Variants in PAIP2B observed in about 807,000 individuals in gnomAD.
PAIP2B encodes polyadenylate-binding protein-interacting protein 2B.
A neutral mutation model predicts 17.0 loss-of-function variants in PAIP2B; 13 were observed. The ratio of observed to expected loss-of-function variants is 0.76; its 90% CI spans 0.50 to 1.22. The LOEUF (loss-of-function observed/expected upper bound fraction) is 1.22. PAIP2B is among the 50% of genes most tolerant of loss of function. The pLI is 0.00. For missense variants in PAIP2B, 117 were observed against 144.5 expected (o/e 0.81, Z 0.98); for synonymous variants, 43 against 48.7 (o/e 0.88, Z 0.48).
In PAIP2B at chr2:71,186,820, G is replaced by A. The variant is rs896437880; in HGVS notation, c.*1659C>T. On this transcript the variant is annotated 3_prime_UTR_variant, in exon 4 of 4. Transcript: ENST00000244221. ...TATGACATGTGACCTAACAAGGAAG[G>A]CAATTTTTTCAAATGATATAATCCT... The A allele has an allele frequency of 7.2e-5, 11 of 152,184 alleles. No individual in the cohort carries two copies. The highest frequency in any genetic ancestry group is 2.7e-4 in the African/African-American group (11 of 41,444). 9.4% of individuals were successfully genotyped at this position (152,184 alleles called of 1,614,324 possible). A position where few individuals can be genotyped will look rare whatever the true frequency, so the allele number is the denominator to read the frequency against.
chr2:71,216,515 A>G (rs4852772), intron 1 of PAIP2B, among the ~76,000 whole-genome samples: 125,674 of 152,222 alleles, frequency 0.83, 52,062 homozygotes, highest in African/African-American at 0.87. Context: ...CATAACCTGT[A>G]TGTTTCTCAT....
At chr2:71,208,045 T>C (rs191719587) in intron 1 of PAIP2B, among the ~76,000 whole-genome samples, 1 of 152,164 alleles carries the variant, frequency 6.6e-6, no homozygotes, top group Admixed American at 6.5e-5. Flanking sequence ...GTCATAGGAA[T>C]AGAAGATACT....
chr2:71,222,006 C>T (rs1675594984), intron 1 of PAIP2B, among the ~76,000 whole-genome samples: 1 of 152,146 alleles, frequency 6.6e-6, no homozygotes, highest in Admixed American at 6.6e-5. Flanking sequence ...CACCTGAGCC[C>T]ACAGCAGCAA....
intron 3 of PAIP2B, 54 bp downstream of exon 3, chr2:71,189,791 C>G: frequency 6.9e-7 from 1 of 1,455,098 alleles, no homozygotes; most frequent in South Asian, 1.4e-5. Flanking sequence ...TCTGTCATTC[C>G]AAATCCTATA....
chr2:71,210,210 TA>T (rs1309660735), intron 1 of PAIP2B, among the ~76,000 whole-genome samples: 1 of 152,070 alleles, frequency 6.6e-6, no homozygotes, highest in Non-Finnish European at 1.5e-5. Context: ...ACTAAGTAAA[TA>T]AACCCATCAG....
chr2:71,196,300 A>G (rs7577218), intron 2 of PAIP2B, among the ~76,000 whole-genome samples: 9,937 of 152,206 alleles, frequency 0.065, 354 homozygotes, highest in African/African-American at 0.088. Context: ...TATGTTGTCT[A>G]ATTTCCATGT....
intron 1 of PAIP2B, among the ~76,000 whole-genome samples, chr2:71,204,080 A>G (rs1675060900): frequency 6.6e-6 from 1 of 152,118 alleles, no homozygotes; most frequent in South Asian, 2.1e-4. Context: ...GTTGTTTGAT[A>G]TGCATAATTT....
chr2:71,193,664 T>C (rs1674743011), intron 2 of PAIP2B, among the ~76,000 whole-genome samples: 1 of 152,092 alleles, frequency 6.6e-6, no homozygotes, highest in Admixed American at 6.5e-5. Context: ...CCATCCTGGC[T>C]AACACGGTGA....
chr2:71,189,302 C>T (rs187544458), intron 3 of PAIP2B, among the ~76,000 whole-genome samples: 8 of 152,114 alleles, frequency 5.3e-5, no homozygotes, highest in African/African-American at 1.4e-4. Context: ...CGTGAGCCAC[C>T]GTGCCCAGCC....
At chr2:71,195,979 T>C (rs943200773) in intron 2 of PAIP2B, among the ~76,000 whole-genome samples, 1 of 152,216 alleles carries the variant, frequency 6.6e-6, no homozygotes, top group African/African-American at 2.4e-5. Flanking sequence ...CTGGATTCGC[T>C]GATCTCTTAA....
intron 2 of PAIP2B, among the ~76,000 whole-genome samples, chr2:71,201,372 T>C (rs1674980845): frequency 6.6e-6 from 1 of 151,302 alleles, no homozygotes; most frequent in Admixed American, 6.7e-5. Context: ...TTACCTTCAG[T>C]GAGAGTTCTT....
chr2:71,201,016 TGTGTG>T (rs1195659992), intron 2 of PAIP2B, among the ~76,000 whole-genome samples: 1 of 13,444 alleles, frequency 7.4e-5, no homozygotes, highest in Non-Finnish European at 1.8e-4. Context: ...TGGGTGTGTG[TGTGTG>T]TGTGTGTGTG....
Position 71,187,996 on chromosome 2 carries a change from T to A in PAIP2B, c.*483A>T, listed in dbSNP as rs1674584415. 5 of 157,172 alleles carry A rather than the reference T, an allele frequency of 3.2e-5. No individual in the cohort carries two copies. Among genetic ancestry groups the A allele is most frequent in the African/African-American group, 1.2e-4 (5 of 41,582 alleles). The allele number at this position is 157,172 out of a possible 1,614,324, so 9.7% of individuals were successfully genotyped here. On this transcript the variant is annotated 3_prime_UTR_variant, in exon 4 of 4. Transcript: ENST00000244221. ...CAGGAGACCCCGGGGGTGGGGCAGC[T>A]GAGCCTCAAATTCCAGTTTGCACCA...
chr2:71,204,860 T>C lies in PAIP2B; in HGVS notation c.-11-2260A>G, dbSNP rs557350224. On this transcript the variant is annotated intron_variant, in intron 1 of 3. Coordinates refer to ENST00000244221, the MANE Select transcript of PAIP2B (RefSeq NM_020459.1). ...CTGAACCTTGCTGGGTAGCAAGATA[T>C]ACTGTACTATTATTTCCAAAGATTT... is the stretch of plus-strand genomic sequence containing the variant. Among the ~76,000 whole-genome samples, 14 of 152,318 alleles carry C rather than the reference T, an allele frequency of 9.2e-5. No individual in the cohort carries two copies. The South Asian group carries it at 1.0e-3, about 11-fold the overall frequency.
At chr2:71,191,402 T>C (rs964292750) in intron 2 of PAIP2B, among the ~76,000 whole-genome samples, 2 of 152,188 alleles carry the variant, frequency 1.3e-5, no homozygotes, top group Non-Finnish European at 2.9e-5. Context: ...CATAACAGCA[T>C]GCTAGCTCTT....
intron 1 of PAIP2B, among the ~76,000 whole-genome samples, chr2:71,225,545 T>G (rs763551895): frequency 5.3e-5 from 8 of 152,216 alleles, no homozygotes; most frequent in Non-Finnish European, 1.2e-4. Context: ...AACCTGTATA[T>G]TCTCCCCACC....
chr2:71,220,832 T>G (rs911539006), intron 1 of PAIP2B, among the ~76,000 whole-genome samples: 2 of 152,328 alleles, frequency 1.3e-5, no homozygotes, highest in Non-Finnish European at 2.9e-5. Flanking sequence ...CATATATTAC[T>G]AATTATTCCT....
chr2:71,213,388 C>T (rs938897004), intron 1 of PAIP2B, among the ~76,000 whole-genome samples: 7 of 152,006 alleles, frequency 4.6e-5, no homozygotes, highest in Non-Finnish European at 1.0e-4. Flanking sequence ...AGGAAGGGTG[C>T]CATTTTGGGT....
At chr2:71,193,416 C>T (rs1328338910) in intron 2 of PAIP2B, among the ~76,000 whole-genome samples, 2 of 152,168 alleles carry the variant, frequency 1.3e-5, no homozygotes, top group Non-Finnish European at 1.5e-5. Context: ...GTTTCTTTTG[C>T]TGTACAGAAG....
Sources: gnomAD v4.1 joint callset for allele counts (sites outside exome capture counted in the v4.1 genomes callset) on GRCh38, gnomAD v4.1.1 for gene constraint, MANE v1.5 for transcripts, NCBI Gene and HGNC (gene_info 2026-07-23, HGNC 2026-07-21) for gene names.